Variants in RRAS2 observed in about 807,000 individuals in gnomAD.
RRAS2 encodes RAS related 2, also known as ras-related protein R-Ras2.
A neutral mutation model predicts 27.6 loss-of-function variants in RRAS2; 7 were observed. The ratio of observed to expected loss-of-function variants is 0.25; its 90% CI spans 0.14 to 0.48. The LOEUF is 0.48. Among genes scored for constraint, RRAS2 ranks in the 20% least tolerant of loss-of-function variants. The pLI is 0.99. For synonymous variants in RRAS2, 86 were observed against 90.9 expected (o/e 0.95, Z 0.31); for missense variants, 178 against 256.2 (o/e 0.69, Z 2.08).
In RRAS2 at chr11:14,346,767, C is replaced by T. The variant is rs149743624; in HGVS notation, c.108+11996G>A. Among the ~76,000 whole-genome samples, 584 of 152,186 alleles carry T rather than the reference C, an allele frequency of 3.8e-3. 4 individuals are homozygous for T. The highest frequency in any genetic ancestry group is 6.2e-3 in the Non-Finnish European group (419 of 68,006). On this transcript the variant is annotated intron_variant, in intron 1 of 5. Transcript: ENST00000256196. ...AAAATGACAACTATGTGACATAGTA[C>T]GTATGTTAGCTATATTTAGTCATTC...
chr11:14,286,742 C>T (rs1849668890), intron 4 of RRAS2, among the ~76,000 whole-genome samples: 2 of 152,232 alleles, frequency 1.3e-5, no homozygotes, highest in African/African-American at 2.4e-5. Context: ...CTACATAGCA[C>T]TGGTATATCT....
Position 14,321,360 on chromosome 11 carries a change from G to T in RRAS2, c.109-25505C>A, listed in dbSNP as rs923025310. ...CAGGGAAGGGAACTAACTCTACAAG[G>T]ATGGCACGAAAGTCCCTCATTCTTT... On this transcript the variant is annotated intron_variant, in intron 1 of 5. Transcript: ENST00000256196. Among the ~76,000 whole-genome samples, 4 of 152,134 alleles carry T rather than the reference G, an allele frequency of 2.6e-5. No homozygotes were observed. In the South Asian group the frequency reaches 8.3e-4, roughly 32 times the overall value.
intron 1 of RRAS2, among the ~76,000 whole-genome samples, chr11:14,347,287 G>A (rs1269811881): frequency 2.0e-5 from 3 of 152,074 alleles, no homozygotes; most frequent in East Asian, 1.9e-4. Context: ...AATGACAAAC[G>A]GATTAATGCC....
At chr11:14,324,499 A>G (rs1554950739) in intron 1 of RRAS2, among the ~76,000 whole-genome samples, 2 of 151,988 alleles carry the variant, frequency 1.3e-5, no homozygotes, top group African/African-American at 4.8e-5. Context: ...TTGTCAAGGT[A>G]TCAGTGCTCC....
At chr11:14,334,746 G>A (rs1184678754) in intron 1 of RRAS2, among the ~76,000 whole-genome samples, 1 of 151,564 alleles carries the variant, frequency 6.6e-6, no homozygotes, top group East Asian at 1.9e-4. Context: ...CCTTCAGTTA[G>A]AAATCAAATC....
intron 1 of RRAS2, among the ~76,000 whole-genome samples, chr11:14,349,473 A>C (rs1848907629): frequency 6.6e-6 from 1 of 151,984 alleles, no homozygotes; most frequent in South Asian, 2.1e-4. Flanking sequence ...ATATCTACAT[A>C]CTTCTAAAAC....
intron 1 of RRAS2, among the ~76,000 whole-genome samples, chr11:14,349,334 T>G (rs1848903648): frequency 6.7e-6 from 1 of 149,824 alleles, no homozygotes. Context: ...TTTTTTTTTT[T>G]GTATTTTTAG....
chr11:14,323,337 A>G (rs1250555915), intron 1 of RRAS2, among the ~76,000 whole-genome samples: 1 of 152,104 alleles, frequency 6.6e-6, no homozygotes, highest in Non-Finnish European at 1.5e-5. Flanking sequence ...ATGCGCCTAT[A>G]GTCCCAACAG....
At chr11:14,294,648 C>T in intron 3 of RRAS2, 69 bp from the exon 4 acceptor site, 2 of 1,443,626 alleles carry the variant, frequency 1.4e-6, no homozygotes, top group Non-Finnish European at 1.9e-6. Flanking sequence ...AAGTCTCATG[C>T]CCCAATTAGT....
chr11:14,297,992 TAAA>T, intron 1 of RRAS2, among the ~76,000 whole-genome samples: 1 of 143,396 alleles, frequency 7.0e-6, no homozygotes, highest in Admixed American at 6.9e-5. Flanking sequence ...TAACTAGCCT[TAAA>T]AAAAAAAAAA....
intron 1 of RRAS2, among the ~76,000 whole-genome samples, chr11:14,336,420 A>AT (rs1441429686): frequency 6.6e-6 from 1 of 152,228 alleles, no homozygotes; most frequent in African/African-American, 2.4e-5. Flanking sequence ...TCGAGATAAC[A>AT]AAGATGTCAG....
chr11:14,299,498 CAT>C (rs1232278998), intron 1 of RRAS2, among the ~76,000 whole-genome samples: 2 of 152,172 alleles, frequency 1.3e-5, no homozygotes, highest in East Asian at 1.9e-4. Flanking sequence ...TACAGGATTC[CAT>C]AGTTTCTTTA....
rs113979773 is a variant in RRAS2 at position 14,358,942 on chromosome 11, A to T, written c.-72T>A. 8.5e-7 allele frequency: 1 copy of T among 1,178,788 alleles called. No individual in the cohort carries two copies. Among genetic ancestry groups the T allele is most frequent in the Non-Finnish European group, 1.0e-6 (1 of 954,192 alleles). The allele number at this position is 1,178,788 out of a possible 1,614,324, so 73.0% of individuals were successfully genotyped here. The stretch of plus-strand genomic sequence containing the variant: ...GCCCGCCCTAGGCCCGGCTCCGGGG[A>T]CGTGTGCGGCCGGCGGGCTGCGGGC... On this transcript the variant is annotated 5_prime_UTR_variant, in exon 1 of 6. Coordinates refer to ENST00000256196, the MANE Select transcript of RRAS2 (RefSeq NM_012250.6). This position sits in a 1 kb window ranked among gnomAD's most constrained non-coding sequence, Gnocchi z 5.1.
intron 1 of RRAS2, among the ~76,000 whole-genome samples, chr11:14,322,140 T>C (rs1279297982): frequency 1.3e-5 from 2 of 151,980 alleles, no homozygotes; most frequent in African/African-American, 4.8e-5. Context: ...TATCAGGAAA[T>C]ATCAAATATG....
rs1366284888 is a variant in RRAS2 at position 14,329,009 on chromosome 11, G to GTA, written c.108+29753_108+29754insTA. Among the ~76,000 whole-genome samples, 534 of 58,180 alleles carry GTA rather than the reference G, an allele frequency of 9.2e-3. 3 individuals carry two copies. The highest frequency in any genetic ancestry group is 0.023 in the African/African-American group (493 of 21,662). 38.2% of individuals were successfully genotyped at this position (58,180 alleles called of 152,430 possible). On this transcript the variant is annotated intron_variant, in intron 1 of 5. Coordinates refer to ENST00000256196, the MANE Select transcript of RRAS2 (RefSeq NM_012250.6). ...TATGTGTGTGTGTGTGTGTGTGTGT[G>GTA]TGTATATATATATATATATACACAC...
Position 14,358,309 on chromosome 11 carries a change from G to T in RRAS2, c.108+454C>A. 1 of 985,500 alleles carries T rather than the reference G, an allele frequency of 1.0e-6. No homozygotes were observed. The highest frequency in any genetic ancestry group is 1.2e-6 in the Non-Finnish European group (1 of 829,982). The allele number at this position is 985,500 out of a possible 1,614,324, so 61.0% of individuals were successfully genotyped here. A position where few individuals can be genotyped will look rare whatever the true frequency, so the allele number is the denominator to read the frequency against. ...GCGCGGGGAAGCCCGGAGACCACGC[G>T]GAGCCGCGGCCAAGTTGCCACCGCT... On this transcript the variant is annotated intron_variant, in intron 1 of 5. Transcript: ENST00000256196. The surrounding 1 kb of genome is among the most constrained non-coding windows in gnomAD (Gnocchi z 5.1).
At chr11:14,299,713 A>G (rs1554947122) in intron 1 of RRAS2, among the ~76,000 whole-genome samples, 2 of 152,190 alleles carry the variant, frequency 1.3e-5, no homozygotes, top group East Asian at 3.8e-4. Flanking sequence ...CTCCATAAAG[A>G]CAAGGTCTCT....
At chr11:14,338,862 T>G (rs1208406286) in intron 1 of RRAS2, among the ~76,000 whole-genome samples, 5 of 152,162 alleles carry the variant, frequency 3.3e-5, no homozygotes, top group African/African-American at 1.2e-4. Flanking sequence ...TCTTGGGATT[T>G]AAAACTTCAA....
At chr11:14,350,962 G>A (rs1467622492) in intron 1 of RRAS2, among the ~76,000 whole-genome samples, 2 of 152,126 alleles carry the variant, frequency 1.3e-5, no homozygotes, top group African/African-American at 2.4e-5. Context: ...GTTAATTTTT[G>A]TAATTAAGAA....
Sources: allele counts gnomAD v4.1 joint callset (sites outside exome capture counted in the v4.1 genomes callset), GRCh38; gene constraint gnomAD v4.1.1; non-coding constraint Gnocchi (gnomAD v3.1); transcripts MANE v1.5; gene names NCBI Gene and HGNC (gene_info 2026-07-23, HGNC 2026-07-21).